TCF7L2: variants seen among roughly 807,000 people sequenced by gnomAD.
TCF7L2 encodes transcription factor 7 like 2, also known as transcription factor 7-like 2.
TCF7L2 carries 23 observed loss-of-function variants against 77.9 expected under a neutral mutation model. The observed-to-expected ratio is 0.30, with a 90% confidence interval of 0.21 to 0.42. The LOEUF is 0.42. TCF7L2 is among the 10% of genes least tolerant of loss of function. TCF7L2 has a pLI of 1.00. For synonymous variants in TCF7L2, 413 were observed against 340.2 expected (o/e 1.21, Z -2.36); for missense variants, 654 against 793.1 (o/e 0.82, Z 2.11).
intron 5 of TCF7L2, among the ~76,000 whole-genome samples, chr10:113,114,071 A>G (rs74157217): frequency 0.049 from 7,484 of 152,204 alleles, 631 homozygotes; most frequent in African/African-American, 0.17. Context: ...CCTGTGAACA[A>G]TCCTGGAATT....
At chr10:113,153,800 A>T (rs10509969) in intron 11 of TCF7L2, among the ~76,000 whole-genome samples, 22,019 of 152,258 alleles carry the variant, frequency 0.14, 2,183 homozygotes, top group Admixed American at 0.23. Flanking sequence ...CCGCCAGGAA[A>T]TCGCAAACAT....
At chr10:113,161,461 G>C in intron 13 of TCF7L2, 1 of 1,128,312 alleles carries the variant, frequency 8.9e-7, no homozygotes, top group East Asian at 2.6e-5. Context: ...TGCATTCTCA[G>C]GGAAAGTGTA....
chr10:113,000,619 C>T (rs576321164), intron 4 of TCF7L2, among the ~76,000 whole-genome samples: 19 of 152,240 alleles, frequency 1.2e-4, no homozygotes, highest in African/African-American at 4.6e-4. Context: ...TCCTGGACAG[C>T]GAAAGCAGTG....
intron 11 of TCF7L2, among the ~76,000 whole-genome samples, chr10:113,157,559 A>G (rs967758961): frequency 6.6e-6 from 1 of 152,210 alleles, no homozygotes; most frequent in Non-Finnish European, 1.5e-5. Flanking sequence ...TTTGGCCTTC[A>G]TAAGTAAGAA....
At chr10:113,124,859 G>C (rs887299649) in intron 5 of TCF7L2, among the ~76,000 whole-genome samples, 1 of 151,918 alleles carries the variant, frequency 6.6e-6, no homozygotes, top group Non-Finnish European at 1.5e-5. Context: ...CCCTAAATGA[G>C]ACCATCTTGG....
intron 5 of TCF7L2, among the ~76,000 whole-genome samples, chr10:113,063,883 A>C (rs1292516729): frequency 7.3e-6 from 1 of 136,392 alleles, no homozygotes; most frequent in Non-Finnish European, 1.5e-5. Context: ...GTGTGTGCAC[A>C]TGGATGTGGC....
intron 5 of TCF7L2, among the ~76,000 whole-genome samples, chr10:113,117,399 CTCTCTCTCTCTCTCTCTCTCTCT>C (rs2063900912): frequency 2.1e-5 from 1 of 46,904 alleles, no homozygotes; most frequent in African/African-American, 1.0e-4. Context: ...CTCTCTCTCT[CTCTCTCTCTCTCTCTCTCTCTCT>C]CTCTCTCTCT....
chr10:112,991,771 T>C (rs1181269433), intron 4 of TCF7L2, among the ~76,000 whole-genome samples: 2 of 152,126 alleles, frequency 1.3e-5, no homozygotes, highest in African/African-American at 4.8e-5. Context: ...CTTGTGCTTT[T>C]TGGGGAGGGA....
At chr10:113,164,787 T>G (rs1195634934) in intron 13 of TCF7L2, among the ~76,000 whole-genome samples, 1 of 152,130 alleles carries the variant, frequency 6.6e-6, no homozygotes, top group Non-Finnish European at 1.5e-5. Flanking sequence ...TTTTTGTTTT[T>G]GTTTTAAGTT....
At chr10:112,997,763 T>C (rs1365105777) in intron 4 of TCF7L2, among the ~76,000 whole-genome samples, 2 of 152,198 alleles carry the variant, frequency 1.3e-5, no homozygotes, top group Non-Finnish European at 2.9e-5. Context: ...AGATTCCATG[T>C]TGGTTTCTGT....
Position 113,166,837 on chromosome 10 carries a change from A to G in TCF7L2, c.*865A>G. On this transcript the variant is annotated 3_prime_UTR_variant, in exon 14 of 14. Coordinates refer to ENST00000627217, the MANE Select transcript of TCF7L2 (RefSeq NM_001146274.2). ...CCCTTTTTGACTTTTTTTTTTCTGTATGAAACCCAGATGTCACCAAATGGA... is the reference window on the plus strand; with the variant it reads ...CCCTTTTTGACTTTTTTTTTTCTGTGTGAAACCCAGATGTCACCAAATGGA... 1 of 226,314 alleles carries G rather than the reference A, an allele frequency of 4.4e-6. No individual in the cohort carries two copies. Among genetic ancestry groups the G allele is most frequent in the Non-Finnish European group, 8.7e-6 (1 of 114,664 alleles). 14.0% of individuals were successfully genotyped at this position (226,314 alleles called of 1,614,324 possible).
chr10:113,001,127 T>A (rs1249632603), intron 4 of TCF7L2, among the ~76,000 whole-genome samples: 2 of 152,164 alleles, frequency 1.3e-5, no homozygotes, highest in African/African-American at 2.4e-5. Flanking sequence ...GGCTGGGGAA[T>A]GTGCTGGCTT....
intron 4 of TCF7L2, among the ~76,000 whole-genome samples, chr10:112,976,082 A>G (rs1477954025): frequency 2.6e-5 from 4 of 152,186 alleles, no homozygotes; most frequent in South Asian, 2.1e-4. Flanking sequence ...CGGCTCTGCT[A>G]AGCTTCAGTT....
At chr10:112,996,993 C>G (rs575116721) in intron 4 of TCF7L2, among the ~76,000 whole-genome samples, 2 of 152,312 alleles carry the variant, frequency 1.3e-5, no homozygotes, top group African/African-American at 4.8e-5. Flanking sequence ...TGGTGAGGAG[C>G]TGAGCTGAAT....
At chr10:113,000,535 G>A (rs2044286239) in intron 4 of TCF7L2, among the ~76,000 whole-genome samples, 1 of 152,186 alleles carries the variant, frequency 6.6e-6, no homozygotes, top group African/African-American at 2.4e-5. Flanking sequence ...CAGCAGCCCA[G>A]ATTTGAGGCC....
At chr10:113,004,365 G>A (rs142376472) in intron 4 of TCF7L2, among the ~76,000 whole-genome samples, 1 of 152,096 alleles carries the variant, frequency 6.6e-6, no homozygotes, top group Non-Finnish European at 1.5e-5. Context: ...GCTGCAGATG[G>A]GTGTGGAAGT....
intron 5 of TCF7L2, among the ~76,000 whole-genome samples, chr10:113,074,255 A>G (rs936919157): frequency 6.6e-6 from 1 of 152,082 alleles, no homozygotes; most frequent in African/African-American, 2.4e-5. Flanking sequence ...CTTTAAAGAG[A>G]TCAGAGATAA....
At chr10:113,143,856 A>T in intron 6 of TCF7L2, 67 bp from the exon 7 acceptor site, 2 of 1,184,600 alleles carry the variant, frequency 1.7e-6, no homozygotes, top group Non-Finnish European at 2.5e-6. Context: ...CCCTGTTCCC[A>T]TCCCCTAATG....
intron 5 of TCF7L2, among the ~76,000 whole-genome samples, chr10:113,064,556 C>G (rs546865813): frequency 6.6e-6 from 1 of 152,252 alleles, no homozygotes; most frequent in South Asian, 2.1e-4. Context: ...CTAAAGCCCT[C>G]TTGTTTCAGC....
Sources: gnomAD v4.1 joint callset for allele counts (sites outside exome capture counted in the v4.1 genomes callset) on GRCh38, gnomAD v4.1.1 for gene constraint, MANE v1.5 for transcripts, NCBI Gene and HGNC (gene_info 2026-07-23, HGNC 2026-07-21) for gene names.